NBEA: variants seen among roughly 807,000 people sequenced by gnomAD.
NBEA encodes lysosomal-trafficking regulator 2.
A neutral mutation model predicts 343.4 loss-of-function variants in NBEA; 44 were observed. The observed-to-expected ratio is 0.13, with a 90% CI of 0.10 to 0.16. The LOEUF (loss-of-function observed/expected upper bound fraction) is 0.16. NBEA is among the 10% of genes least tolerant of loss of function. The pLI is 1.00. For missense variants in NBEA, 2,555 were observed against 3,631.3 expected, an observed-to-expected ratio of 0.70 and a Z score of 7.62; for synonymous variants, 1,175 against 1,238.7, an observed-to-expected ratio of 0.95 and a Z score of 1.08.
chr13:35,258,363 A>G (rs943017050), intron 34 of NBEA, among the ~76,000 whole-genome samples: 58 of 152,006 alleles, frequency 3.8e-4, no homozygotes, highest in African/African-American at 1.0e-3. Flanking sequence ...AGATGGTTTC[A>G]TCATGTTGGT....
intron 32 of NBEA, among the ~76,000 whole-genome samples, chr13:35,209,077 A>G (rs888610580): frequency 2.6e-5 from 4 of 152,138 alleles, no homozygotes; most frequent in African/African-American, 9.7e-5. Context: ...AGTCTTCTCA[A>G]AACAGTGCTG....
chr13:35,535,726 C>T (rs907849212), intron 41 of NBEA, among the ~76,000 whole-genome samples: 20 of 152,172 alleles, frequency 1.3e-4, no homozygotes, highest in Admixed American at 9.8e-4. Context: ...TATTGGGAAA[C>T]TTGCCTGAAG....
intron 1 of NBEA, among the ~76,000 whole-genome samples, chr13:34,992,214 G>C (rs1450791216): frequency 7.6e-6 from 1 of 130,950 alleles, no homozygotes; most frequent in Non-Finnish European, 1.6e-5. Context: ...GTGTGTGTGT[G>C]TGTGTATATG....
intron 2 of NBEA, among the ~76,000 whole-genome samples, chr13:35,044,498 G>C (rs2152560316): frequency 6.6e-6 from 1 of 152,064 alleles, no homozygotes; most frequent in East Asian, 1.9e-4. Context: ...AGACAATATA[G>C]TCAGCTGTTA....
chr13:35,426,902 C>T (rs1359960604), intron 38 of NBEA, among the ~76,000 whole-genome samples: 3 of 152,084 alleles, frequency 2.0e-5, no homozygotes, highest in Non-Finnish European at 2.9e-5. Context: ...TATCTTCCAT[C>T]GCTTTCTTCC....
chr13:35,654,824 T>G (rs1402576048), intron 53 of NBEA, 31 bp from the exon 54 acceptor site: 1 of 1,545,274 alleles, frequency 6.5e-7, no homozygotes, highest in Non-Finnish European at 8.7e-7. Context: ...ATGGAATCTT[T>G]CTTCAAATGC....
intron 38 of NBEA, among the ~76,000 whole-genome samples, chr13:35,392,882 T>C (rs2042572146): frequency 6.6e-6 from 1 of 152,190 alleles, no homozygotes; most frequent in African/African-American, 2.4e-5. Flanking sequence ...GAGTTAGCAG[T>C]ATTCAAAAGG....
chr13:35,122,262 C>T (rs1405671156), intron 16 of NBEA, among the ~76,000 whole-genome samples: 1 of 152,026 alleles, frequency 6.6e-6, no homozygotes, highest in Admixed American at 6.6e-5. Context: ...TGTAAAGACA[C>T]ATGCACACGT....
At chr13:35,475,241 G>T (rs867514901) in intron 41 of NBEA, 1 of 1,613,988 alleles carries the variant, frequency 6.2e-7, no homozygotes, top group East Asian at 2.2e-5. Flanking sequence ...ATCCCGTTCA[G>T]CCGATCACCC....
chr13:35,163,149 T>C (rs1263689821), intron 23 of NBEA, among the ~76,000 whole-genome samples: 1 of 152,148 alleles, frequency 6.6e-6, no homozygotes, highest in Non-Finnish European at 1.5e-5. Context: ...TTGTTTTCTT[T>C]AATGGGCTCT....
chr13:35,468,132 G>A (rs11838804), intron 40 of NBEA, among the ~76,000 whole-genome samples: 31,285 of 102,310 alleles, frequency 0.31, 4,104 homozygotes, highest in South Asian at 0.39. Context: ...CCCCTCCCCT[G>A]AAAATGATTA....
chr13:35,401,805 G>T (rs2043014440), intron 38 of NBEA, among the ~76,000 whole-genome samples: 1 of 151,926 alleles, frequency 6.6e-6, no homozygotes, highest in Non-Finnish European at 1.5e-5. Context: ...TCCATTAAAG[G>T]TTAAATCAAT....
In NBEA at chr13:35,472,478, C is replaced by G; in HGVS notation, c.6527C>G (p.Thr2176Arg). 1 of 1,613,950 alleles carries G rather than the reference C, an allele frequency of 6.2e-7. No homozygotes were observed. The change falls in exon 41 of 59, where the codon ACA becomes AGA. Residue 2176 changes from threonine to arginine, a missense_variant. This residue lies in a region of NBEA where 246 missense variants were observed against 313.7 expected (regional missense o/e 0.78). Transcript: ENST00000379939. ...VAKGTLSITT[T>R]EIYFEVDEDD... ...AAGGGGACTCTCTCCATCACCACGACAGAAATCTACTTCGAGGTAGATGAG... is the reference window on the plus strand; with the variant it reads ...AAGGGGACTCTCTCCATCACCACGAGAGAAATCTACTTCGAGGTAGATGAG...
At chr13:35,100,059 A>C (rs1182648745) in intron 11 of NBEA, among the ~76,000 whole-genome samples, 1 of 152,136 alleles carries the variant, frequency 6.6e-6, no homozygotes, top group Non-Finnish European at 1.5e-5. Flanking sequence ...TTTGCAAAAA[A>C]ATTGAGAAGA....
At chr13:35,648,941 C>T (rs2084379365) in intron 51 of NBEA, among the ~76,000 whole-genome samples, 1 of 152,096 alleles carries the variant, frequency 6.6e-6, no homozygotes, top group East Asian at 1.9e-4. Context: ...ATGGGTTGAT[C>T]TGTGCAGCAA....
At chr13:35,144,730 G>A (rs1226697412) in intron 18 of NBEA, among the ~76,000 whole-genome samples, 2 of 152,138 alleles carry the variant, frequency 1.3e-5, no homozygotes, top group Non-Finnish European at 2.9e-5. Flanking sequence ...CCTGGCAAGG[G>A]TATGGAAATC....
chr13:35,249,026 G>C (rs926881609), intron 34 of NBEA, among the ~76,000 whole-genome samples: 1 of 151,914 alleles, frequency 6.6e-6, no homozygotes, highest in Non-Finnish European at 1.5e-5. Context: ...GCATATTGCT[G>C]TAATCCCAGC....
At chr13:35,231,362 T>A (rs1768014170) in intron 33 of NBEA, among the ~76,000 whole-genome samples, 1 of 152,164 alleles carries the variant, frequency 6.6e-6, no homozygotes, top group African/African-American at 2.4e-5. Context: ...ATATTGCAAA[T>A]TATTTTATGG....
chr13:35,033,841 G>A (rs940949094), intron 1 of NBEA, among the ~76,000 whole-genome samples: 2 of 151,518 alleles, frequency 1.3e-5, no homozygotes, highest in African/African-American at 4.8e-5. Flanking sequence ...ACTGATTTTT[G>A]TATGTTGATT....
Sources: gnomAD v4.1 joint callset for allele counts (sites outside exome capture counted in the v4.1 genomes callset) on GRCh38, gnomAD v4.1.1 for gene constraint, gnomAD v4.1.1 regional missense constraint, MANE v1.5 for transcripts, NCBI Gene and HGNC (gene_info 2026-07-23, HGNC 2026-07-21) for gene names.